ANKRD26: variants seen among roughly 807,000 people sequenced by gnomAD.
The protein encoded by ANKRD26 is ankyrin repeat domain-containing protein 26.
Under a neutral mutation model 208.7 loss-of-function variants are expected in ANKRD26, and 141 were observed. The ratio of observed to expected loss-of-function variants is 0.68; its 90% CI spans 0.59 to 0.78. ANKRD26 has a LOEUF of 0.78. ANKRD26 is among the 30% of genes least tolerant of loss of function. The pLI is 0.00. For missense variants in ANKRD26, 1,889 were observed against 1,938.7 expected, an observed-to-expected ratio of 0.97 and a Z score of 0.48; for synonymous variants, 636 against 660.4, an observed-to-expected ratio of 0.96 and a Z score of 0.57.
chr10:27,075,843 T>A (rs919994713), intron 9 of ANKRD26, among the ~76,000 whole-genome samples: 1 of 151,814 alleles, frequency 6.6e-6, no homozygotes, highest in African/African-American at 2.4e-5. Context: ...ATAGACCATA[T>A]GATAGGCCAC....
At chr10:27,092,775 T>C (rs1261609887) in intron 3 of ANKRD26, among the ~76,000 whole-genome samples, 2 of 152,192 alleles carry the variant, frequency 1.3e-5, no homozygotes, top group Non-Finnish European at 2.9e-5. Context: ...CATTGTATTG[T>C]TTCCCATCAA....
chr10:26,993,642 T>C (rs1046946505), intron 5 of ANKRD26, among the ~76,000 whole-genome samples: 5 of 152,232 alleles, frequency 3.3e-5, no homozygotes, highest in Non-Finnish European at 7.3e-5. Flanking sequence ...CCTTTTCCCA[T>C]GTGCCTTGCT....
intron 25 of ANKRD26, among the ~76,000 whole-genome samples, chr10:27,029,843 G>A (rs2053805825): frequency 6.6e-6 from 1 of 152,158 alleles, no homozygotes; most frequent in South Asian, 2.1e-4. Context: ...AGATATTCAT[G>A]AAACTGAGAG....
the ANKRD26 span, among the ~76,000 whole-genome samples, chr10:26,963,168 C>T: frequency 6.6e-6 from 1 of 152,318 alleles, no homozygotes; most frequent in African/African-American, 2.4e-5. Flanking sequence ...ACCTCTCCTC[C>T]CCACTTTGCC....
chr10:27,049,461 T>C (rs1310574695), intron 16 of ANKRD26, among the ~76,000 whole-genome samples: 1 of 152,194 alleles, frequency 6.6e-6, no homozygotes, highest in Non-Finnish European at 1.5e-5. Flanking sequence ...GTGTCTTTTA[T>C]AATTCTTTTT....
intron 29 of ANKRD26, among the ~76,000 whole-genome samples, chr10:27,018,311 T>C (rs1446003902): frequency 6.6e-6 from 1 of 151,848 alleles, no homozygotes; most frequent in Admixed American, 6.6e-5. Flanking sequence ...ATTTTTTGTA[T>C]TTTTAGTAGA....
At chr10:27,045,423 TAAAAA>T (rs74940609) in intron 18 of ANKRD26, among the ~76,000 whole-genome samples, 1 of 127,602 alleles carries the variant, frequency 7.8e-6, no homozygotes, top group African/African-American at 2.9e-5. Context: ...GACTCTGACT[TAAAAA>T]AAAAAAAAAA....
At chr10:26,962,410 A>G in the ANKRD26 span, among the ~76,000 whole-genome samples, 1 of 152,048 alleles carries the variant, frequency 6.6e-6, no homozygotes, top group South Asian at 2.1e-4. Context: ...CCCTGTCTCT[A>G]CTAAAAATAC....
chr10:27,059,480 C>A (rs2054968306), intron 15 of ANKRD26, among the ~76,000 whole-genome samples: 1 of 152,074 alleles, frequency 6.6e-6, no homozygotes, highest in Non-Finnish European at 1.5e-5. Flanking sequence ...TTTAAAAGAG[C>A]ATGGGAATGG....
chr10:27,073,410 C>A (rs1185457485), intron 9 of ANKRD26, among the ~76,000 whole-genome samples: 2 of 152,142 alleles, frequency 1.3e-5, no homozygotes, highest in African/African-American at 4.8e-5. Context: ...TGCATGAGGA[C>A]CACAATCCCT....
chr10:27,099,374 C>T (rs566502414), intron 1 of ANKRD26, among the ~76,000 whole-genome samples: 1 of 152,252 alleles, frequency 6.6e-6, no homozygotes, highest in Non-Finnish European at 1.5e-5. Context: ...CCTTAATACA[C>T]TGCTTAAGCA....
chr10:27,001,221 T>G (rs1302685734), downstream of ANKRD26, among the ~76,000 whole-genome samples: 3 of 151,986 alleles, frequency 2.0e-5, no homozygotes, highest in Non-Finnish European at 4.4e-5. Flanking sequence ...GAAACAAAAT[T>G]AGAGTTGTGG....
intron 17 of ANKRD26, among the ~76,000 whole-genome samples, chr10:27,046,814 T>C (rs1280289450): frequency 6.6e-6 from 1 of 152,118 alleles, no homozygotes; most frequent in African/African-American, 2.4e-5. Context: ...AAATGTGATA[T>C]GTAAGGTTGA....
At chr10:27,074,218 T>G (rs377342171) in intron 9 of ANKRD26, among the ~76,000 whole-genome samples, 1 of 151,848 alleles carries the variant, frequency 6.6e-6, no homozygotes, top group East Asian at 1.9e-4. Context: ...ATTCAAAAGG[T>G]TGATTATTAA....
chr10:27,007,254 A>T (rs1008583343), intron 32 of ANKRD26, among the ~76,000 whole-genome samples: 1 of 152,226 alleles, frequency 6.6e-6, no homozygotes, highest in Non-Finnish European at 1.5e-5. Context: ...AGTTCAAACA[A>T]CTGAAGTCAT....
chr10:27,030,998 T>C (rs986466214), intron 25 of ANKRD26, among the ~76,000 whole-genome samples: 1 of 152,112 alleles, frequency 6.6e-6, no homozygotes, highest in Non-Finnish European at 1.5e-5. Context: ...TAAGGGCAAA[T>C]TGTTCTACAC....
rs1208919702 is a variant in ANKRD26, at chr10:27,030,630, T to C, written c.3808-1274A>G. The C allele has an allele frequency of 3.1e-6, 3 of 981,536 alleles. No individual in the cohort carries two copies. The African/African-American group carries it at 5.2e-5, about 17-fold the overall frequency. The allele number at this position is 981,536 out of a possible 1,614,324, so 60.8% of individuals were successfully genotyped here. ...GTAATAAAGAAATGGAAATGTAGAT[T>C]TCTTTTCAGGGTGAAAAACATGAGC... On this transcript the variant is annotated intron_variant, in intron 25 of 33. Coordinates refer to ENST00000376087, the MANE Select transcript of ANKRD26 (RefSeq NM_014915.3).
chr10:27,061,710 C>T (rs1391212697), intron 12 of ANKRD26, among the ~76,000 whole-genome samples: 1 of 151,818 alleles, frequency 6.6e-6, no homozygotes, highest in Admixed American at 6.6e-5. Flanking sequence ...GAACTACAGG[C>T]CCATGCACCA....
intron 17 of ANKRD26, among the ~76,000 whole-genome samples, chr10:27,048,406 G>C (rs2135341555): frequency 6.6e-6 from 1 of 152,120 alleles, no homozygotes; most frequent in South Asian, 2.1e-4. Flanking sequence ...TCCTTAACTT[G>C]TGTGTGTGCA....
Sources: allele counts gnomAD v4.1 joint callset (sites outside exome capture counted in the v4.1 genomes callset), GRCh38; gene constraint gnomAD v4.1.1; transcripts MANE v1.5; gene names NCBI Gene and HGNC (gene_info 2026-07-23, HGNC 2026-07-21).